C12orf42: variants seen among roughly 807,000 people sequenced by gnomAD.
C12orf42 encodes chromosome 12 open reading frame 42, also known as uncharacterized protein C12orf42.
In C12orf42, 25 loss-of-function variants were observed where a neutral mutation model predicts 21.6. That is an observed-to-expected ratio of 1.16 (90% CI 0.84 to 1.62). C12orf42 has a LOEUF of 1.62. Ranked by LOEUF, C12orf42 falls within the 40% of genes most tolerant of loss-of-function variation. The probability of loss-of-function intolerance (pLI) is 0.00; values close to 1 mark genes in which losing one functional copy is unlikely to be tolerated. For missense variants in C12orf42, 483 were observed against 459.3 expected (o/e 1.05, Z -0.47); for synonymous variants, 174 against 175.0 (o/e 0.99, Z 0.05).
chr12:103,217,869 C>T, the C12orf42 span, among the ~76,000 whole-genome samples: 32 of 152,180 alleles, frequency 2.1e-4, no homozygotes, highest in Non-Finnish European at 3.7e-4. Flanking sequence ...GGGGTCCTTG[C>T]TAACATCTTT....
chr12:103,059,707 T>G, the C12orf42 span, among the ~76,000 whole-genome samples: 1 of 152,148 alleles, frequency 6.6e-6, no homozygotes, highest in Admixed American at 6.6e-5. Flanking sequence ...GTCACATAAA[T>G]AGAACCAATG....
chr12:103,208,487 C>G, the C12orf42 span, among the ~76,000 whole-genome samples: 1 of 151,908 alleles, frequency 6.6e-6, no homozygotes, highest in Non-Finnish European at 1.5e-5. Flanking sequence ...ATTTTCAGAT[C>G]GACAATAAAT....
At chr12:103,100,736 G>A in the C12orf42 span, among the ~76,000 whole-genome samples, 10 of 152,168 alleles carry the variant, frequency 6.6e-5, no homozygotes, top group Admixed American at 2.6e-4. Context: ...ATAGGTTAGC[G>A]TGACTCACTT....
chr12:103,417,866 A>C (rs1278232298), intron 2 of C12orf42, among the ~76,000 whole-genome samples: 2 of 152,228 alleles, frequency 1.3e-5, no homozygotes, highest in African/African-American at 4.8e-5. Context: ...GTCAATGGTT[A>C]GATTAATTAA....
At chr12:103,290,477 G>A (rs921619679) in intron 4 of C12orf42, among the ~76,000 whole-genome samples, 1 of 152,122 alleles carries the variant, frequency 6.6e-6, no homozygotes, top group Non-Finnish European at 1.5e-5. Flanking sequence ...GCCTATGCAA[G>A]GACATGTGAA....
At chr12:103,442,446 GAAGAC>G (rs987150152) in intron 2 of C12orf42, among the ~76,000 whole-genome samples, 4 of 152,144 alleles carry the variant, frequency 2.6e-5, no homozygotes, top group African/African-American at 9.7e-5. Flanking sequence ...TTCGCAGGCT[GAAGAC>G]AAGGAGGCTT....
At position 103,446,442 on chromosome 12, in the gene C12orf42, A is replaced by G. The variant is rs1363714957; in HGVS notation, c.78+31907T>C. ...TAAATCTCACAGGACCTATATAACA[A>G]TAACACAATTTTAAAAAAGGTATTC... On this transcript the variant is annotated intron_variant, in intron 2 of 5. Transcript: ENST00000548883. 1.3e-5 allele frequency among the ~76,000 whole-genome samples: 2 copies of G among 152,038 alleles called. 1 individual carries two copies. Among genetic ancestry groups the G allele is most frequent in the African/African-American group, 4.8e-5 (2 of 41,418 alleles).
chr12:103,246,183 T>C (rs943610201), intron 10 of C12orf42, among the ~76,000 whole-genome samples: 1 of 152,096 alleles, frequency 6.6e-6, no homozygotes, highest in African/African-American at 2.4e-5. Context: ...TAAACCAATA[T>C]TTTAAAATTC....
chr12:103,405,303 A>G (rs993888951), intron 2 of C12orf42, among the ~76,000 whole-genome samples: 2 of 152,224 alleles, frequency 1.3e-5, no homozygotes, highest in African/African-American at 4.8e-5. Context: ...TTTAAAATCC[A>G]ATGAAGTTTT....
intron 4 of C12orf42, among the ~76,000 whole-genome samples, chr12:103,320,766 A>C (rs1354378255): frequency 6.6e-6 from 1 of 152,180 alleles, no homozygotes; most frequent in East Asian, 1.9e-4. Flanking sequence ...AGATTAGTGA[A>C]TAAGCATGTA....
At chr12:103,366,158 T>C (rs192389347) in intron 4 of C12orf42, among the ~76,000 whole-genome samples, 2 of 151,776 alleles carry the variant, frequency 1.3e-5, no homozygotes, top group Admixed American at 1.3e-4. Flanking sequence ...GAGATAAACC[T>C]AAATACTTAC....
chr12:103,140,665 G>A, the C12orf42 span, among the ~76,000 whole-genome samples: 1 of 152,236 alleles, frequency 6.6e-6, no homozygotes, highest in East Asian at 1.9e-4. Flanking sequence ...AAGACAAAAA[G>A]GGAGAGATGA....
chr12:103,368,844 CT>C, intron 4 of C12orf42, 42 bp downstream of exon 4: 1 of 1,070,978 alleles, frequency 9.3e-7, no homozygotes. Context: ...TCCAGAGTTT[CT>C]TTGGAAACTC....
chr12:103,558,943 T>C, the C12orf42 span: 2 of 152,190 alleles, frequency 1.3e-5, no homozygotes, highest in African/African-American at 4.8e-5. Context: ...AACAATGAGC[T>C]GGGGCCTGTG....
At chr12:103,345,501 A>G (rs1312774671) in intron 4 of C12orf42, among the ~76,000 whole-genome samples, 1 of 152,138 alleles carries the variant, frequency 6.6e-6, no homozygotes, top group African/African-American at 2.4e-5. Context: ...TGCAGATTAA[A>G]CCAATTAATC....
chr12:103,481,543 C>T (rs773998289), intron 1 of C12orf42, among the ~76,000 whole-genome samples: 2 of 151,812 alleles, frequency 1.3e-5, no homozygotes, highest in East Asian at 1.9e-4. Context: ...TTTTTGTGGG[C>T]TACAATTTCC....
chr12:103,502,029 G>C, the C12orf42 span, among the ~76,000 whole-genome samples: 8 of 152,138 alleles, frequency 5.3e-5, no homozygotes, highest in Non-Finnish European at 1.0e-4. Context: ...AAAGATGTCA[G>C]GATCCTTCAG....
chr12:103,268,721 T>C (rs997398658), exon 7 of C12orf42: 10 of 152,134 alleles, frequency 6.6e-5, no homozygotes, highest in Non-Finnish European at 1.5e-4. Flanking sequence ...TGATAATAAG[T>C]TTAAGCTTTG....
intron 2 of C12orf42, among the ~76,000 whole-genome samples, chr12:103,435,991 C>A (rs996508548): frequency 6.6e-6 from 1 of 150,892 alleles, no homozygotes; most frequent in Non-Finnish European, 1.5e-5. Flanking sequence ...ATGTTAAGGG[C>A]AGCCAGAGAG....
Sources: allele counts gnomAD v4.1 joint callset (sites outside exome capture counted in the v4.1 genomes callset), GRCh38; gene constraint gnomAD v4.1.1; transcripts MANE v1.5; gene names NCBI Gene and HGNC (gene_info 2026-07-23, HGNC 2026-07-21).